The following HCN1 variants were observed in gnomAD, a reference collection of about 807,000 sequenced individuals.
The protein encoded by HCN1 is hyperpolarization activated cyclic nucleotide gated potassium channel 1.
Under a neutral mutation model 78.9 loss-of-function variants are expected in HCN1, and 13 were observed. The observed-to-expected ratio is 0.16, with a 90% CI of 0.11 to 0.26. HCN1 has a LOEUF of 0.26. HCN1 is among the 10% of genes least tolerant of loss of function. The pLI is 1.00. For missense variants in HCN1, 810 were observed against 1,154.3 expected (o/e 0.70, Z 4.32); for synonymous variants, 552 against 455.5 (o/e 1.21, Z -2.70).
At chr5:45,505,499 C>G (rs989805535) in intron 2 of HCN1, among the ~76,000 whole-genome samples, 1 of 152,130 alleles carries the variant, frequency 6.6e-6, no homozygotes, top group Non-Finnish European at 1.5e-5. Flanking sequence ...GTTTTGGTTG[C>G]TGTAGCCTTG....
chr5:45,436,772 C>G (rs1169777621), intron 3 of HCN1, among the ~76,000 whole-genome samples: 1 of 152,176 alleles, frequency 6.6e-6, no homozygotes, highest in Non-Finnish European at 1.5e-5. Flanking sequence ...ATCTAGGCTT[C>G]TATTCACATA....
chr5:45,353,447 T>C (rs1746951316), intron 4 of HCN1, among the ~76,000 whole-genome samples: 1 of 151,978 alleles, frequency 6.6e-6, no homozygotes, highest in African/African-American at 2.4e-5. Flanking sequence ...TTTATTTAGG[T>C]GCACATTTCA....
At chr5:45,566,844 G>T (rs1743717747) in intron 2 of HCN1, among the ~76,000 whole-genome samples, 1 of 152,142 alleles carries the variant, frequency 6.6e-6, no homozygotes, top group Non-Finnish European at 1.5e-5. Flanking sequence ...CAACGAATAG[G>T]AGCTTTATAA....
intron 2 of HCN1, among the ~76,000 whole-genome samples, chr5:45,569,095 A>G (rs1457582751): frequency 6.6e-6 from 1 of 152,146 alleles, no homozygotes; most frequent in Non-Finnish European, 1.5e-5. Context: ...GACACAGGAA[A>G]TAATCTGAAC....
chr5:45,413,448 G>T (rs1740062304), intron 3 of HCN1, among the ~76,000 whole-genome samples: 1 of 151,994 alleles, frequency 6.6e-6, no homozygotes, highest in Non-Finnish European at 1.5e-5. Context: ...TTATTAGTCA[G>T]CCCAACACAT....
chr5:45,679,280 T>C (rs1429846089), intron 1 of HCN1, among the ~76,000 whole-genome samples: 1 of 152,010 alleles, frequency 6.6e-6, no homozygotes, highest in Non-Finnish European at 1.5e-5. Flanking sequence ...ATAGGGTTGC[T>C]CTAAGGACTC....
At chr5:45,494,966 T>C (rs1439538794) in intron 2 of HCN1, among the ~76,000 whole-genome samples, 2 of 146,688 alleles carry the variant, frequency 1.4e-5, no homozygotes, top group African/African-American at 2.5e-5. Context: ...TATATCTCTG[T>C]TTTGGTACCA....
intron 2 of HCN1, among the ~76,000 whole-genome samples, chr5:45,472,974 G>A (rs1404790022): frequency 6.6e-6 from 1 of 151,736 alleles, no homozygotes; most frequent in East Asian, 1.9e-4. Flanking sequence ...GCTTTTAGTT[G>A]TCATTGTCTT....
chr5:45,334,942 T>C (rs1014813392), intron 5 of HCN1, among the ~76,000 whole-genome samples: 1 of 152,012 alleles, frequency 6.6e-6, no homozygotes, highest in African/African-American at 2.4e-5. Context: ...TGATTCAGAA[T>C]TACACTAAAT....
At chr5:45,281,302 T>C (rs1038272547) in intron 6 of HCN1, among the ~76,000 whole-genome samples, 1 of 151,910 alleles carries the variant, frequency 6.6e-6, no homozygotes, top group African/African-American at 2.4e-5. Context: ...ACGTGTGTAT[T>C]ACTTCCCCCT....
chr5:45,512,770 A>G (rs1355273727), intron 2 of HCN1, among the ~76,000 whole-genome samples: 1 of 152,124 alleles, frequency 6.6e-6, no homozygotes, highest in African/African-American at 2.4e-5. Context: ...AAGATAAAAT[A>G]CAAAATGTGA....
intron 5 of HCN1, among the ~76,000 whole-genome samples, chr5:45,349,753 C>A (rs1746844704): frequency 6.6e-6 from 1 of 152,012 alleles, no homozygotes; most frequent in Non-Finnish European, 1.5e-5. Context: ...CACCTCTACG[C>A]AAACTGACTA....
intron 1 of HCN1, among the ~76,000 whole-genome samples, chr5:45,648,469 T>G (rs561858017): frequency 1.3e-5 from 2 of 152,250 alleles, no homozygotes; most frequent in South Asian, 4.1e-4. Context: ...GACTCTATTT[T>G]GCAGACAAAA....
In HCN1 at chr5:45,373,390, A is replaced by G. The variant is rs548863561; in HGVS notation, c.1231-20144T>C. ...AATATATATTTTATATAATATATGT[A>G]AATATATATTATATAAAATATATTA... On this transcript the variant is annotated intron_variant, in intron 4 of 7. Coordinates refer to ENST00000303230, the MANE Select transcript of HCN1 (RefSeq NM_021072.4). 3.8e-5 allele frequency among the ~76,000 whole-genome samples: 4 copies of G among 106,112 alleles called. No homozygotes were observed. In the Admixed American group the frequency reaches 4.6e-4, roughly 12 times the overall value. The allele number at this position is 106,112 out of a possible 152,430, so 69.6% of individuals were successfully genotyped here.
chr5:45,300,495 C>T (rs1486060312), intron 6 of HCN1, among the ~76,000 whole-genome samples: 1 of 152,118 alleles, frequency 6.6e-6, no homozygotes, highest in South Asian at 2.1e-4. Context: ...AATATATTTT[C>T]TCTTCCTTAT....
rs1357814283 is a variant in HCN1, at chr5:45,696,110, C to A, written c.-17G>T. The A allele has an allele frequency of 7.6e-7, 1 of 1,321,570 alleles. No individual in the cohort carries two copies. The highest frequency in any genetic ancestry group is 2.8e-5 in the Admixed American group (1 of 36,348). 81.9% of individuals were successfully genotyped at this position (1,321,570 alleles called of 1,614,324 possible). On this transcript the variant is annotated 5_prime_UTR_variant, in exon 1 of 8. Coordinates refer to ENST00000303230, the MANE Select transcript of HCN1 (RefSeq NM_021072.4). ...TCCTTCCATGCCCGGAGGACGCGGCCGGCGACGGCGCGGGCTCCAGACTCG... is the reference window on the plus strand; with the variant it reads ...TCCTTCCATGCCCGGAGGACGCGGCAGGCGACGGCGCGGGCTCCAGACTCG...
intron 2 of HCN1, among the ~76,000 whole-genome samples, chr5:45,531,328 A>T (rs142124105): frequency 5.3e-4 from 81 of 152,152 alleles, no homozygotes; most frequent in African/African-American, 1.6e-3. Context: ...TAATTGCTTA[A>T]TTAATTGCTT....
At chr5:45,460,744 G>A (rs1741128810) in intron 3 of HCN1, among the ~76,000 whole-genome samples, 1 of 147,834 alleles carries the variant, frequency 6.8e-6, no homozygotes, top group Non-Finnish European at 1.5e-5. Context: ...TAGGGAAGAA[G>A]ATAGAAAAGG....
intron 3 of HCN1, among the ~76,000 whole-genome samples, chr5:45,451,449 C>T (rs1740916963): frequency 6.6e-6 from 1 of 151,976 alleles, no homozygotes; most frequent in South Asian, 2.1e-4. Flanking sequence ...TTACTGATTT[C>T]AGGCACATGG....
Sources: allele counts gnomAD v4.1 joint callset (sites outside exome capture counted in the v4.1 genomes callset), GRCh38; gene constraint gnomAD v4.1.1; transcripts MANE v1.5; gene names NCBI Gene and HGNC (gene_info 2026-07-23, HGNC 2026-07-21).